MORN5: variants seen among roughly 807,000 people sequenced by gnomAD.
The protein encoded by MORN5 is MORN repeat containing 5, also known as MORN repeat-containing protein 5.
MORN5 carries 21 observed loss-of-function variants against 22.1 expected under a neutral mutation model. The ratio of observed to expected loss-of-function variants is 0.95; its 90% CI spans 0.67 to 1.37. The LOEUF (loss-of-function observed/expected upper bound fraction) is 1.37. MORN5 is among the 40% of genes most tolerant of loss of function. The probability of loss-of-function intolerance (pLI) is 0.00; values close to 1 mark genes in which losing one functional copy is unlikely to be tolerated. For missense variants in MORN5, 211 were observed against 215.1 expected, an observed-to-expected ratio of 0.98 and a Z score of 0.12; for synonymous variants, 73 against 74.0, an observed-to-expected ratio of 0.99 and a Z score of 0.07.
chr9:122,198,204 T>C (rs569624601), intron 4 of MORN5, among the ~76,000 whole-genome samples: 2 of 152,304 alleles, frequency 1.3e-5, no homozygotes, highest in Admixed American at 6.5e-5. Context: ...CAAGCACACA[T>C]AGGCTGTCTG....
At chr9:122,196,035 G>T (rs140624496) in intron 4 of MORN5, among the ~76,000 whole-genome samples, 1 of 150,964 alleles carries the variant, frequency 6.6e-6, no homozygotes, top group Non-Finnish European at 1.5e-5. Context: ...ACAGCTCACC[G>T]CAGCCTCAAC....
intron 2 of MORN5, among the ~76,000 whole-genome samples, chr9:122,167,635 T>G (rs944547537): frequency 1.3e-5 from 2 of 152,188 alleles, no homozygotes; most frequent in African/African-American, 4.8e-5. Context: ...CTGCCTGATC[T>G]TAGGCCCACG....
intron 4 of MORN5, among the ~76,000 whole-genome samples, chr9:122,181,368 C>G (rs2118767750): frequency 6.6e-6 from 1 of 152,270 alleles, no homozygotes; most frequent in East Asian, 1.9e-4. Context: ...TGGGCTCATC[C>G]TGAGATTGGG....
At chr9:122,173,000 C>T (rs754609337) in intron 3 of MORN5, among the ~76,000 whole-genome samples, 13 of 152,162 alleles carry the variant, frequency 8.5e-5, no homozygotes, top group Non-Finnish European at 1.9e-4. Context: ...TGATGGGAGG[C>T]CTGGACTTTG....
chr9:122,180,575 T>C (rs918932533), intron 4 of MORN5, among the ~76,000 whole-genome samples: 2 of 152,214 alleles, frequency 1.3e-5, no homozygotes, highest in African/African-American at 4.8e-5. Context: ...CATGAGCCAC[T>C]GCGCTCGGCC....
At chr9:122,160,525 G>GTT (rs201106696) in intron 1 of MORN5, among the ~76,000 whole-genome samples, 29 of 151,198 alleles carry the variant, frequency 1.9e-4, no homozygotes, top group African/African-American at 6.6e-4. Flanking sequence ...CAATTCAACA[G>GTT]TTTTTTTTTC....
At chr9:122,183,820 G>A (rs7869722) in intron 4 of MORN5, among the ~76,000 whole-genome samples, 152,340 of 152,348 alleles carry the variant, frequency 1, 76,166 homozygotes, top group Middle Eastern at 1. Flanking sequence ...CTTTCCTTCA[G>A]TCAGAAACAA....
chr9:122,168,575 T>C (rs1829321054), intron 2 of MORN5, among the ~76,000 whole-genome samples: 2 of 152,184 alleles, frequency 1.3e-5, no homozygotes, highest in South Asian at 2.1e-4. Flanking sequence ...ATTAATAGTA[T>C]CATTGGAATT....
intron 4 of MORN5, 137 bp from the exon 5 acceptor site, chr9:122,199,748 T>C (rs377087534): frequency 5.1e-6 from 4 of 781,276 alleles, no homozygotes; most frequent in Admixed American, 1.9e-5. Flanking sequence ...GAAAGGTCTG[T>C]TCCTCCCCAC....
At chr9:122,177,463 A>G (rs896723124) in intron 4 of MORN5, among the ~76,000 whole-genome samples, 2 of 151,514 alleles carry the variant, frequency 1.3e-5, no homozygotes, top group Non-Finnish European at 2.9e-5. Flanking sequence ...ATGGAGTTTC[A>G]CTCTTGTTGC....
At position 122,165,329 on chromosome 9, in the gene MORN5, C is replaced by A. The variant is rs1247623643; in HGVS notation, c.48-1439C>A. ...ATCCCAACATTTTGGGAGGCTGAGG[C>A]AGGAGGATCATTTGAGCCCAGAAGT... On this transcript the variant is annotated intron_variant, in intron 1 of 4. Transcript: ENST00000373764. Among the ~76,000 whole-genome samples, 3 of 135,480 alleles carry A rather than the reference C, an allele frequency of 2.2e-5. No homozygotes were observed. The Admixed American group carries it at 2.6e-4, about 12-fold the overall frequency. 88.9% of individuals were successfully genotyped at this position (135,480 alleles called of 152,430 possible). A position where few individuals can be genotyped will look rare whatever the true frequency, so the allele number is the denominator to read the frequency against.
chr9:122,184,683 A>G (rs570284875), intron 4 of MORN5, among the ~76,000 whole-genome samples: 1 of 152,120 alleles, frequency 6.6e-6, no homozygotes, highest in Non-Finnish European at 1.5e-5. Context: ...CATATATTTT[A>G]TTTTATTTCA....
chr9:122,170,167 A>G (rs1018226240), intron 3 of MORN5, among the ~76,000 whole-genome samples: 4 of 152,118 alleles, frequency 2.6e-5, no homozygotes, highest in Non-Finnish European at 4.4e-5. Context: ...GTGTGGTGGC[A>G]TGCCTGTAAT....
intron 4 of MORN5, among the ~76,000 whole-genome samples, chr9:122,194,621 GTATT>G: frequency 6.6e-6 from 1 of 152,284 alleles, no homozygotes; most frequent in South Asian, 2.1e-4. Context: ...ATCTGGGAGA[GTATT>G]TATTAAGCAC....
chr9:122,166,642 G>A (rs1829287930), intron 1 of MORN5, 126 bp from the exon 2 acceptor site: 2 of 881,666 alleles, frequency 2.3e-6, no homozygotes, highest in African/African-American at 1.7e-5. Context: ...TTTGTTTTCA[G>A]CAGAGTACTG....
intron 4 of MORN5, among the ~76,000 whole-genome samples, chr9:122,192,636 G>A (rs1005890197): frequency 6.6e-6 from 1 of 152,204 alleles, no homozygotes; most frequent in South Asian, 2.1e-4. Context: ...GCTCCTCCCT[G>A]CCTTCACTGA....
chr9:122,184,469 C>T (rs1443215560), intron 4 of MORN5, among the ~76,000 whole-genome samples: 2 of 152,092 alleles, frequency 1.3e-5, no homozygotes, highest in African/African-American at 2.4e-5. Flanking sequence ...TCCTCAGTGT[C>T]CAATAGGAGA....
At chr9:122,199,774 C>G in intron 4 of MORN5, 111 bp from the exon 5 acceptor site, 1 of 931,700 alleles carries the variant, frequency 1.1e-6, no homozygotes, top group Admixed American at 1.7e-5. Flanking sequence ...ACTACACAGA[C>G]TGGCCATCGA....
At chr9:122,193,738 C>T (rs539234772) in intron 4 of MORN5, among the ~76,000 whole-genome samples, 2 of 152,340 alleles carry the variant, frequency 1.3e-5, no homozygotes, top group East Asian at 3.9e-4. Context: ...GGCCCTGAAC[C>T]CAAACCAGGT....
Sources: allele counts gnomAD v4.1 joint callset (sites outside exome capture counted in the v4.1 genomes callset), GRCh38; gene constraint gnomAD v4.1.1; transcripts MANE v1.5; gene names NCBI Gene and HGNC (gene_info 2026-07-23, HGNC 2026-07-21).